Variants in ADAM22 observed in about 807,000 individuals in gnomAD.
ADAM22 encodes disintegrin and metalloproteinase domain-containing protein 22.
ADAM22 carries 65 observed loss-of-function variants against 144.6 expected under a neutral mutation model. The observed-to-expected ratio is 0.45, with a 90% confidence interval of 0.37 to 0.55. The LOEUF (loss-of-function observed/expected upper bound fraction) is 0.55. Ranked by LOEUF, ADAM22 falls within the 20% of genes least tolerant of loss-of-function variation. The pLI is 0.00. For missense variants in ADAM22, 974 were observed against 1,184.9 expected (o/e 0.82, Z 2.61); for synonymous variants, 391 against 412.6 (o/e 0.95, Z 0.63).
At chr7:88,012,962 T>C (rs1025954346) in intron 3 of ADAM22, among the ~76,000 whole-genome samples, 1 of 152,228 alleles carries the variant, frequency 6.6e-6, no homozygotes, top group African/African-American at 2.4e-5. Context: ...TTACTTTTCC[T>C]CTTTCCCTCT....
At chr7:87,992,633 A>T (rs1790173374) in intron 3 of ADAM22, among the ~76,000 whole-genome samples, 1 of 152,178 alleles carries the variant, frequency 6.6e-6, no homozygotes, top group African/African-American at 2.4e-5. Flanking sequence ...GTCTACTGTA[A>T]GTGAAGATAT....
intron 2 of ADAM22, among the ~76,000 whole-genome samples, chr7:87,962,798 T>A (rs1848278640): frequency 6.6e-6 from 1 of 152,138 alleles, no homozygotes; most frequent in South Asian, 2.1e-4. Context: ...CCTCAGAGGT[T>A]GATACTGTTT....
At chr7:88,180,612 T>C (rs1586560039) in intron 27 of ADAM22, among the ~76,000 whole-genome samples, 2 of 152,058 alleles carry the variant, frequency 1.3e-5, no homozygotes, top group Admixed American at 1.3e-4. Flanking sequence ...ACCAGAATAA[T>C]ATGTGGAAAA....
In ADAM22 at chr7:87,984,989, C is replaced by T. The variant is rs549358226; in HGVS notation, c.323+6577C>T. Among the ~76,000 whole-genome samples the T allele has an allele frequency of 8.1e-3, 1,237 of 151,782 alleles. 14 individuals are homozygous for T. Among genetic ancestry groups the T allele is most frequent in the African/African-American group, 0.027 (1,133 of 41,346 alleles). On this transcript the variant is annotated intron_variant, in intron 3 of 31. Coordinates refer to ENST00000413139, the MANE Select transcript of ADAM22 (RefSeq NM_001324418.2). ...ACCTAGCTTAGGAACATATTTGTTGCATACAATGAAAGTCTTTTTTTTTTT... is the reference window on the plus strand; with the variant it reads ...ACCTAGCTTAGGAACATATTTGTTGTATACAATGAAAGTCTTTTTTTTTTT...
chr7:88,029,559 T>C (rs1456423153), intron 3 of ADAM22, among the ~76,000 whole-genome samples: 1 of 152,182 alleles, frequency 6.6e-6, no homozygotes, highest in African/African-American at 2.4e-5. Context: ...CTTACTATTG[T>C]CAATAAGTTT....
chr7:88,103,379 T>C (rs1369400089), intron 4 of ADAM22, among the ~76,000 whole-genome samples: 1 of 152,182 alleles, frequency 6.6e-6, no homozygotes, highest in African/African-American at 2.4e-5. Flanking sequence ...AAAAATGTGG[T>C]ATGTCTTTGA....
At chr7:88,011,224 T>C (rs1249192699) in intron 3 of ADAM22, among the ~76,000 whole-genome samples, 2 of 152,200 alleles carry the variant, frequency 1.3e-5, no homozygotes, top group African/African-American at 4.8e-5. Flanking sequence ...TCTAAAACTA[T>C]TATTGATTTA....
intron 2 of ADAM22, among the ~76,000 whole-genome samples, chr7:87,957,649 C>T (rs1369333195): frequency 2.0e-5 from 3 of 152,058 alleles, no homozygotes; most frequent in South Asian, 2.1e-4. Context: ...GGTGCCATCT[C>T]GACTCACTGC....
At chr7:87,942,105 G>C (rs1375531628) in intron 2 of ADAM22, among the ~76,000 whole-genome samples, 3 of 152,082 alleles carry the variant, frequency 2.0e-5, no homozygotes, top group Non-Finnish European at 4.4e-5. Context: ...AGGGAAAGAA[G>C]ATAGATGTTC....
chr7:88,079,250 T>G (rs1815710188), intron 4 of ADAM22, among the ~76,000 whole-genome samples: 1 of 152,112 alleles, frequency 6.6e-6, no homozygotes, highest in African/African-American at 2.4e-5. Context: ...CAAACTAAGC[T>G]TCATAAGTGA....
intron 3 of ADAM22, among the ~76,000 whole-genome samples, chr7:88,008,917 GA>G (rs141508920): frequency 0.42 from 60,991 of 146,290 alleles, 13,394 homozygotes; most frequent in East Asian, 0.6. Flanking sequence ...ATAATAAAAA[GA>G]AAAAAAAGAA....
At position 87,937,244 on chromosome 7, in the gene ADAM22, T is replaced by G. The variant is rs192968767; in HGVS notation, c.246+2058T>G. On this transcript the variant is annotated intron_variant, in intron 2 of 31. Transcript: ENST00000413139. The stretch of plus-strand genomic sequence containing the variant: ...AAATGCTGGGATTACAGGTGTGAGT[T>G]GTGGGGGCCTAGCCTGTTTTTCTGT... 1.1e-4 allele frequency among the ~76,000 whole-genome samples: 17 copies of G among 152,264 alleles called. No homozygotes were observed. In the East Asian group the frequency reaches 3.3e-3, roughly 29 times the overall value.
chr7:88,145,611 A>G, intron 17 of ADAM22, 104 bp downstream of exon 17: 2 of 873,442 alleles, frequency 2.3e-6, no homozygotes, highest in Non-Finnish European at 3.5e-6. Flanking sequence ...TATCTAACAT[A>G]TATTAAATGA....
At chr7:88,086,132 C>T (rs1332618430) in intron 4 of ADAM22, among the ~76,000 whole-genome samples, 3 of 152,056 alleles carry the variant, frequency 2.0e-5, no homozygotes, top group East Asian at 1.9e-4. Context: ...GCTGAGATTG[C>T]GCCACTGCAC....
intron 2 of ADAM22, among the ~76,000 whole-genome samples, chr7:87,967,807 CAA>C (rs35787636): frequency 4.9e-5 from 3 of 60,952 alleles, no homozygotes; most frequent in African/African-American, 7.3e-5. Flanking sequence ...GACTCTGTCT[CAA>C]AAAAAAAAAA....
intron 18 of ADAM22, among the ~76,000 whole-genome samples, chr7:88,149,406 C>A (rs977043069): frequency 6.6e-6 from 1 of 152,180 alleles, no homozygotes; most frequent in Non-Finnish European, 1.5e-5. Context: ...CAGGGACTCA[C>A]AAACACACTG....
chr7:88,108,453 C>T (rs1003194540), intron 5 of ADAM22, among the ~76,000 whole-genome samples, 195 bp downstream of exon 5: 12 of 151,486 alleles, frequency 7.9e-5, no homozygotes, highest in South Asian at 4.2e-4. Context: ...AATGGTCGGG[C>T]GTGGTGGCTC....
At chr7:87,935,364 G>A (rs1840992888) in intron 2 of ADAM22, among the ~76,000 whole-genome samples, 178 bp downstream of exon 2, 1 of 152,192 alleles carries the variant, frequency 6.6e-6, no homozygotes, top group Non-Finnish European at 1.5e-5. Flanking sequence ...GTACAAAAAA[G>A]AACCAAAATA....
intron 29 of ADAM22, 184 bp downstream of exon 29, chr7:88,182,208 A>C (rs1847214660): frequency 1.8e-6 from 1 of 550,746 alleles, no homozygotes; most frequent in Non-Finnish European, 3.2e-6. Context: ...GCATCTCCAC[A>C]ACTGTTCCCA....
Sources: allele counts gnomAD v4.1 joint callset (sites outside exome capture counted in the v4.1 genomes callset), GRCh38; gene constraint gnomAD v4.1.1; transcripts MANE v1.5; gene names NCBI Gene and HGNC (gene_info 2026-07-23, HGNC 2026-07-21).